The following ACCS variants were observed in gnomAD, a reference collection of about 807,000 sequenced individuals.
The protein encoded by ACCS is 1-aminocyclopropane-1-carboxylate synthase homolog (inactive).
In ACCS, 42 loss-of-function variants were observed where a neutral mutation model predicts 59.8. The observed-to-expected ratio is 0.70, with a 90% confidence interval of 0.55 to 0.91. The LOEUF is 0.91. Ranked by LOEUF, ACCS falls within the 40% of genes least tolerant of loss-of-function variation. The pLI is 0.00. For synonymous variants in ACCS, 230 were observed against 240.3 expected, an observed-to-expected ratio of 0.96 and a Z score of 0.40; for missense variants, 602 against 630.4, an observed-to-expected ratio of 0.95 and a Z score of 0.48.
chr11:44,078,599 C>G, intron 8 of ACCS, 85 bp from the exon 9 acceptor site: 1 of 1,165,730 alleles, frequency 8.6e-7, no homozygotes, highest in South Asian at 1.3e-5. Flanking sequence ...TCCCTGGGAG[C>G]CTTCCAGCGA....
intron 3 of ACCS, 111 bp downstream of exon 3, chr11:44,071,426 A>G (rs1231382565): frequency 1.6e-6 from 2 of 1,252,008 alleles, no homozygotes; most frequent in Non-Finnish European, 2.3e-6. Flanking sequence ...TGGCCTGGGA[A>G]TCAGGAGACC....
At chr11:44,077,719 G>A in intron 7 of ACCS, 126 bp from the exon 8 acceptor site, 8 of 1,468,776 alleles carry the variant, frequency 5.4e-6, no homozygotes, top group Non-Finnish European at 7.2e-6. Context: ...GACCCCACCT[G>A]CTTTTCCAGA....
chr11:44,082,982 T>C (rs890343610), intron 12 of ACCS, among the ~76,000 whole-genome samples, 187 bp from the exon 13 acceptor site: 3 of 152,152 alleles, frequency 2.0e-5, no homozygotes, highest in Admixed American at 1.3e-4. Flanking sequence ...TGCTTTACAT[T>C]GAACACTGCA....
At chr11:44,082,893 C>T (rs546470446) in intron 12 of ACCS, among the ~76,000 whole-genome samples, 31 of 152,116 alleles carry the variant, frequency 2.0e-4, no homozygotes, top group African/African-American at 6.0e-4. Flanking sequence ...ACATTGGGTT[C>T]GATTCTTTAT....
At chr11:44,072,441 C>G (rs551319964) in intron 3 of ACCS, 1 of 152,102 alleles carries the variant, frequency 6.6e-6, no homozygotes, top group Non-Finnish European at 1.5e-5. Flanking sequence ...CAGGCGTGAG[C>G]CACTGCACCC....
At chr11:44,067,552 A>G (rs1952846762) in intron 1 of ACCS, 76 bp from the exon 2 acceptor site, 4 of 1,463,774 alleles carry the variant, frequency 2.7e-6, no homozygotes, top group Non-Finnish European at 3.7e-6. Context: ...GGGGACTCCC[A>G]TGACTCCAAC....
chr11:44,073,209 AT>A (rs1953145118), intron 3 of ACCS: 1 of 560,852 alleles, frequency 1.8e-6, no homozygotes, highest in South Asian at 2.0e-5. Flanking sequence ...GGAGTCAAAA[AT>A]TTTGGGTTTT....
Position 44,077,637 on chromosome 11 carries a change from A to G in ACCS, c.655-208A>G, listed in dbSNP as rs1374925400. On this transcript the variant is annotated intron_variant, in intron 7 of 14. Coordinates refer to ENST00000263776, the MANE Select transcript of ACCS (RefSeq NM_032592.4). ...GTAGGAACAGAGCAGGGTAGACCTA[A>G]GCATGACACCCAAGAGTGATGAGGG... 2.1e-6 allele frequency: 3 copies of G among 1,436,538 alleles called. No individual in the cohort carries two copies. In the African/African-American group the frequency reaches 4.3e-5, roughly 21 times the overall value. 89.0% of individuals were successfully genotyped at this position (1,436,538 alleles called of 1,614,324 possible).
Position 44,078,685 on chromosome 11 carries a change from G to A in ACCS, c.734G>A (p.Gly245Asp). Residue 245 changes from glycine (G) to aspartate (D), a missense_variant and splice_region_variant, in exon 9 of 15, where the codon GGT becomes GAT. Physicochemically the swap from Gly to Asp is moderately conservative, Grantham distance 94. Transcript: ENST00000263776. The part of the protein sequence containing the change: ...EMALREAHSE[G>D]VKVKGLILIS... ...TCCTGCCCTAACGGATGGTTTCAGG[G>A]TGTGAAGGTCAAAGGCCTCATCCTC... 1.9e-6 allele frequency: 3 copies of A among 1,613,970 alleles called. No homozygotes were observed. The highest frequency in any genetic ancestry group is 1.7e-6 in the Non-Finnish European group (2 of 1,179,966).
chr11:44,080,880 G>T, intron 10 of ACCS, 140 bp from the exon 11 acceptor site: 1 of 1,023,486 alleles, frequency 9.8e-7, no homozygotes, highest in South Asian at 1.5e-5. Flanking sequence ...ATGGGAATGG[G>T]TGGTTCAAAG....
Position 44,077,366 on chromosome 11 carries a change from T to G in ACCS, c.644T>G (p.Leu215Arg), listed in dbSNP as rs1953421843. ...YGNIRLAYVY[L>R]DSEVTGLDTR... ...AACATCCGGCTGGCCTATGTCTACC[T>G]GGACAGTGAGGTAAGAGTCTTGACT... The change falls in exon 7 of 15, where the codon CTG becomes CGG. Residue 215 changes from leucine (L) to arginine (R), a missense_variant. By Grantham distance (102) the Leu-to-Arg change is moderately radical. Coordinates refer to ENST00000263776, the MANE Select transcript of ACCS (RefSeq NM_032592.4). The G allele has an allele frequency of 1.9e-6, 3 of 1,614,024 alleles. No individual in the cohort carries two copies. The highest frequency in any genetic ancestry group is 2.5e-6 in the Non-Finnish European group (3 of 1,179,994).
At chr11:44,075,748 C>CG in intron 6 of ACCS, 156 bp downstream of exon 6, 3 of 816,228 alleles carry the variant, frequency 3.7e-6, no homozygotes, top group Non-Finnish European at 1.9e-6. Flanking sequence ...ACAAAGCACC[C>CG]GGGGGTCAGC....
intron 2 of ACCS, 109 bp downstream of exon 2, chr11:44,068,024 T>C (rs952006952): frequency 8.7e-5 from 108 of 1,239,404 alleles, no homozygotes; most frequent in South Asian, 1.6e-4. Context: ...GTTGGAGTTA[T>C]GGTACTCTGA....
intron 3 of ACCS, among the ~76,000 whole-genome samples, chr11:44,072,856 G>C (rs1035330109): frequency 2.6e-5 from 4 of 152,150 alleles, no homozygotes; most frequent in Non-Finnish European, 5.9e-5. Flanking sequence ...ATGTAGAAGT[G>C]GCTGATTCCC....
At chr11:44,074,819 T>A (rs1265601292) in intron 5 of ACCS, 138 bp downstream of exon 5, 14 of 400,394 alleles carry the variant, frequency 3.5e-5, no homozygotes, top group Non-Finnish European at 5.7e-5. Flanking sequence ...TCTCTTTTTT[T>A]TTTTTTTATT....
chr11:44,078,641 TG>T lies in ACCS; in HGVS notation c.733-39del, dbSNP rs1339461194. ...CCCTTTGACTGTGTGGCTCTGGCCT[TG>T]GGGAAGAGCTGAGGGTCTCCTGCCC... On this transcript the variant is annotated intron_variant, in intron 8 of 14. Coordinates refer to ENST00000263776, the MANE Select transcript of ACCS (RefSeq NM_032592.4). 2.5e-6 allele frequency: 4 copies of T among 1,589,140 alleles called. No homozygotes were observed. In the South Asian group the frequency reaches 4.4e-5, roughly 18 times the overall value.
intron 4 of ACCS, among the ~76,000 whole-genome samples, chr11:44,074,351 G>A (rs1953206654): frequency 6.6e-6 from 1 of 152,050 alleles, no homozygotes; most frequent in South Asian, 2.1e-4. Flanking sequence ...AGTATAATTA[G>A]CTAGATCTCC....
Position 44,083,227 on chromosome 11 carries a change from CTA to C in ACCS, c.1172_1173del (p.Tyr391CysfsTer6). ...NHARLKAAHT[Y>X]VSEELRALGI... ...ATGCCCGGCTCAAGGCTGCCCACAC[CTA>C]TGTCTCAGAAGAGCTTAGGGCATTG... On this transcript the variant is annotated frameshift_variant, in exon 13 of 15. Coordinates refer to ENST00000263776, the MANE Select transcript of ACCS (RefSeq NM_032592.4). LOFTEE classifies it high-confidence loss of function. 1 of 1,614,214 alleles carries C rather than the reference CTA, an allele frequency of 6.2e-7. No individual in the cohort carries two copies. The highest frequency in any genetic ancestry group is 8.5e-7 in the Non-Finnish European group (1 of 1,180,044).
chr11:44,078,816 G>T (rs112781933), intron 9 of ACCS, 32 bp downstream of exon 9: 12 of 1,597,452 alleles, frequency 7.5e-6, no homozygotes, highest in African/African-American at 4.0e-5. Context: ...CCGACAGAGC[G>T]TCTGGGCAGC....
Sources: allele counts gnomAD v4.1 joint callset (sites outside exome capture counted in the v4.1 genomes callset), GRCh38; gene constraint gnomAD v4.1.1; transcripts MANE v1.5; gene names NCBI Gene and HGNC (gene_info 2026-07-23, HGNC 2026-07-21).